The following XKR4 variants were observed in gnomAD, a reference collection of about 807,000 sequenced individuals.
XKR4 encodes XK-related protein 4.
Under a neutral mutation model 53.9 loss-of-function variants are expected in XKR4, and 12 were observed. The ratio of observed to expected loss-of-function variants is 0.22; its 90% CI spans 0.14 to 0.36. XKR4 has a LOEUF of 0.36. XKR4 is among the 10% of genes least tolerant of loss of function. The probability of loss-of-function intolerance (pLI) is 1.00; values close to 1 mark genes in which losing one functional copy is unlikely to be tolerated. For synonymous variants in XKR4, 354 were observed against 362.4 expected, an observed-to-expected ratio of 0.98 and a Z score of 0.26; for missense variants, 799 against 859.5, an observed-to-expected ratio of 0.93 and a Z score of 0.88.
intron 1 of XKR4, among the ~76,000 whole-genome samples, chr8:55,154,823 G>C (rs1816883747): frequency 6.6e-6 from 1 of 152,158 alleles, no homozygotes; most frequent in African/African-American, 2.4e-5. Context: ...ATTAAAATCA[G>C]CTTGTTTATT....
At chr8:55,225,824 A>T (rs1445326365) in intron 1 of XKR4, among the ~76,000 whole-genome samples, 2 of 152,256 alleles carry the variant, frequency 1.3e-5, no homozygotes, top group South Asian at 4.1e-4. Context: ...TAGATACTCC[A>T]CATAAAATGT....
intron 2 of XKR4, among the ~76,000 whole-genome samples, chr8:55,438,581 C>T (rs1805212682): frequency 8.1e-6 from 1 of 123,138 alleles, no homozygotes; most frequent in South Asian, 2.8e-4. Context: ...CAGAGCAAGA[C>T]TCCATCTTGA....
intron 1 of XKR4, among the ~76,000 whole-genome samples, chr8:55,337,302 C>A (rs1803476198): frequency 6.6e-6 from 1 of 152,162 alleles, no homozygotes; most frequent in Non-Finnish European, 1.5e-5. Flanking sequence ...GAGAGTGCCC[C>A]ATTAATCAAG....
chr8:55,200,320 G>A (rs973273979), intron 1 of XKR4, among the ~76,000 whole-genome samples: 5 of 152,072 alleles, frequency 3.3e-5, no homozygotes, highest in East Asian at 1.9e-4. Context: ...CACCTGCCTC[G>A]GCCTCCCAAA....
chr8:55,397,525 A>T (rs1804539337), intron 2 of XKR4, among the ~76,000 whole-genome samples: 1 of 151,924 alleles, frequency 6.6e-6, no homozygotes, highest in Non-Finnish European at 1.5e-5. Context: ...ACCAGGTTGA[A>T]TACTGTTAGT....
chr8:55,378,205 C>T (rs1804177842), intron 2 of XKR4, among the ~76,000 whole-genome samples: 1 of 152,154 alleles, frequency 6.6e-6, no homozygotes, highest in African/African-American at 2.4e-5. Flanking sequence ...CAAAGAATTC[C>T]CAAAGAAGTG....
At chr8:55,367,427 A>G (rs940385970) in intron 2 of XKR4, among the ~76,000 whole-genome samples, 3 of 152,210 alleles carry the variant, frequency 2.0e-5, no homozygotes, top group African/African-American at 7.2e-5. Flanking sequence ...TAATGTTACT[A>G]TTGAATATTT....
intron 1 of XKR4, among the ~76,000 whole-genome samples, chr8:55,302,355 A>G (rs1249187499): frequency 6.6e-6 from 1 of 151,058 alleles, no homozygotes; most frequent in African/African-American, 2.4e-5. Flanking sequence ...ATTGATCTAT[A>G]TCTCTGTTTT....
At chr8:55,181,792 C>T (rs1256004219) in intron 1 of XKR4, among the ~76,000 whole-genome samples, 6 of 151,962 alleles carry the variant, frequency 3.9e-5, no homozygotes, top group South Asian at 2.1e-4. Flanking sequence ...TATGGAGCAC[C>T]GAGAAGATAA....
chr8:55,238,788 A>G (rs1376370708), intron 1 of XKR4, among the ~76,000 whole-genome samples: 1 of 152,234 alleles, frequency 6.6e-6, no homozygotes, highest in African/African-American at 2.4e-5. Flanking sequence ...AAATTAAAAC[A>G]ACATAAATTA....
intron 1 of XKR4, among the ~76,000 whole-genome samples, chr8:55,268,184 C>T (rs1038462810): frequency 1.3e-5 from 2 of 152,044 alleles, no homozygotes; most frequent in African/African-American, 4.8e-5. Context: ...TCTATCTTCA[C>T]GAGATTAAAA....
At chr8:55,223,273 A>C (rs1817907750) in intron 1 of XKR4, among the ~76,000 whole-genome samples, 1 of 152,258 alleles carries the variant, frequency 6.6e-6, no homozygotes, top group South Asian at 2.1e-4. Context: ...TCCCTTCTCC[A>C]GATCTATAGA....
At chr8:55,402,107 A>G (rs1431435834) in intron 2 of XKR4, among the ~76,000 whole-genome samples, 1 of 152,224 alleles carries the variant, frequency 6.6e-6, no homozygotes, top group Non-Finnish European at 1.5e-5. Flanking sequence ...TAGCCTCTAG[A>G]AAACTCCAGC....
intron 1 of XKR4, among the ~76,000 whole-genome samples, chr8:55,112,562 G>GGT (rs1554560069): frequency 1.3e-5 from 1 of 77,216 alleles, no homozygotes; most frequent in East Asian, 4.8e-4. Context: ...TACTTTTCAG[G>GGT]TTTTTTTTTT....
chr8:55,266,637 T>C (rs536402577), intron 1 of XKR4, among the ~76,000 whole-genome samples: 1 of 152,172 alleles, frequency 6.6e-6, no homozygotes, highest in South Asian at 2.1e-4. Context: ...CCTGTTCAAG[T>C]ATGAGATCAA....
At chr8:55,170,537 A>G (rs1817143271) in intron 1 of XKR4, among the ~76,000 whole-genome samples, 1 of 152,108 alleles carries the variant, frequency 6.6e-6, no homozygotes, top group East Asian at 1.9e-4. Context: ...GCCCAGTGAG[A>G]CCTGTGTCTG....
At chr8:55,388,075 G>T (rs1026098950) in intron 2 of XKR4, among the ~76,000 whole-genome samples, 5 of 152,166 alleles carry the variant, frequency 3.3e-5, no homozygotes, top group Non-Finnish European at 5.9e-5. Context: ...TTAAATGGTT[G>T]TTTCACTAGG....
In XKR4 at chr8:55,529,322, G is replaced by T. The variant is rs1033643331; in HGVS notation, c.*5095G>T. ...TTGAGGCCTATATTCTGCTAAACAAGAGATGACTTAATGTCCTTGAAATAT... is the reference window on the plus strand; with the variant it reads ...TTGAGGCCTATATTCTGCTAAACAATAGATGACTTAATGTCCTTGAAATAT... On this transcript the variant is annotated 3_prime_UTR_variant, in exon 3 of 3. Coordinates refer to ENST00000327381, the MANE Select transcript of XKR4 (RefSeq NM_052898.2). The T allele has an allele frequency of 6.6e-6, 1 of 151,964 alleles. No homozygotes were observed. Among genetic ancestry groups the T allele is most frequent in the Non-Finnish European group, 1.5e-5 (1 of 67,988 alleles). The allele number at this position is 151,964 out of a possible 1,614,324, so 9.4% of individuals were successfully genotyped here.
intron 1 of XKR4, among the ~76,000 whole-genome samples, chr8:55,168,327 G>A (rs901348487): frequency 1.3e-5 from 2 of 152,106 alleles, no homozygotes; most frequent in African/African-American, 2.4e-5. Flanking sequence ...AGGACAGAAT[G>A]GATGTTTTAA....
Sources: gnomAD v4.1 joint callset for allele counts (sites outside exome capture counted in the v4.1 genomes callset) on GRCh38, gnomAD v4.1.1 for gene constraint, MANE v1.5 for transcripts, NCBI Gene and HGNC (gene_info 2026-07-23, HGNC 2026-07-21) for gene names.